SFXN5: variants seen among roughly 807,000 people sequenced by gnomAD.
The protein encoded by SFXN5 is sideroflexin 5.
A neutral mutation model predicts 50.2 loss-of-function variants in SFXN5; 43 were observed. The ratio of observed to expected loss-of-function variants is 0.86; its 90% CI spans 0.67 to 1.11. The LOEUF is 1.11. SFXN5 is among the 50% of genes least tolerant of loss of function. The probability of loss-of-function intolerance (pLI) is 0.00; values close to 1 mark genes in which losing one functional copy is unlikely to be tolerated. For synonymous variants in SFXN5, 203 were observed against 185.8 expected, an observed-to-expected ratio of 1.09 and a Z score of -0.75; for missense variants, 463 against 454.1, an observed-to-expected ratio of 1.02 and a Z score of -0.18.
At chr2:72,990,226 T>G (rs1672415621) in intron 9 of SFXN5, among the ~76,000 whole-genome samples, 1 of 152,212 alleles carries the variant, frequency 6.6e-6, no homozygotes, top group Non-Finnish European at 1.5e-5. Flanking sequence ...GCCTCCATCT[T>G]AAGTCTCAGG....
At chr2:73,032,174 G>A (rs1446574851) in intron 3 of SFXN5, among the ~76,000 whole-genome samples, 1 of 152,206 alleles carries the variant, frequency 6.6e-6, no homozygotes, top group Non-Finnish European at 1.5e-5. Flanking sequence ...ATCCTAGGGT[G>A]TCAAGAGTTC....
chr2:73,057,305 A>C (rs898480737), intron 2 of SFXN5, among the ~76,000 whole-genome samples: 1 of 152,026 alleles, frequency 6.6e-6, no homozygotes, highest in Non-Finnish European at 1.5e-5. Flanking sequence ...CACTCGGATA[A>C]TTTTTTAAAA....
chr2:73,005,386 G>A (rs1674505530), intron 6 of SFXN5, among the ~76,000 whole-genome samples: 1 of 152,184 alleles, frequency 6.6e-6, no homozygotes, highest in African/African-American at 2.4e-5. Context: ...CTCAGGCTCT[G>A]GTTGTCAAAT....
chr2:72,987,549 A>G (rs961531123), intron 10 of SFXN5, among the ~76,000 whole-genome samples: 7 of 151,502 alleles, frequency 4.6e-5, no homozygotes, highest in Admixed American at 4.6e-4. Flanking sequence ...TGAGGTTAGG[A>G]GTTCGAGACC....
intron 3 of SFXN5, among the ~76,000 whole-genome samples, chr2:73,031,663 C>G (rs1247528365): frequency 6.6e-6 from 1 of 152,180 alleles, no homozygotes; most frequent in Non-Finnish European, 1.5e-5. Context: ...TGACAACACA[C>G]CAGACTCAGA....
At chr2:73,035,965 T>TA (rs1284531433) in intron 3 of SFXN5, among the ~76,000 whole-genome samples, 1 of 151,810 alleles carries the variant, frequency 6.6e-6, no homozygotes, top group African/African-American at 2.4e-5. Context: ...ACAAACTGGG[T>TA]AAAAAAAGAG....
chr2:72,957,199 A>C (rs1163051468), intron 13 of SFXN5: 1 of 411,506 alleles, frequency 2.4e-6, no homozygotes, highest in Admixed American at 2.6e-5. Context: ...GAGCCATCTG[A>C]CTGTCTAGGA....
intron 6 of SFXN5, among the ~76,000 whole-genome samples, chr2:73,014,596 C>G (rs1675924122): frequency 6.6e-6 from 1 of 152,166 alleles, no homozygotes; most frequent in South Asian, 2.1e-4. Flanking sequence ...GAGATTATGA[C>G]TGAAATTACA....
chr2:73,052,339 A>AGT (rs3043005), intron 2 of SFXN5, among the ~76,000 whole-genome samples: 26,203 of 146,854 alleles, frequency 0.18, 3,555 homozygotes, highest in African/African-American at 0.39. Flanking sequence ...TAAGAGAGAG[A>AGT]GTGTGTGTGT....
intron 12 of SFXN5, among the ~76,000 whole-genome samples, chr2:72,963,515 C>T (rs1013019210): frequency 6.1e-5 from 9 of 147,018 alleles, no homozygotes; most frequent in South Asian, 2.1e-4. Flanking sequence ...GGCCTGAGAG[C>T]GAACACAGTA....
chr2:73,071,429 G>C, intron 1 of SFXN5, 175 bp downstream of exon 1: 2 of 601,298 alleles, frequency 3.3e-6, no homozygotes, highest in East Asian at 6.0e-5. Context: ...GTCCGCGCCC[G>C]CCCCGTTGAC....
chr2:73,015,054 A>G (rs190770239), intron 6 of SFXN5, among the ~76,000 whole-genome samples: 70 of 152,296 alleles, frequency 4.6e-4, no homozygotes, highest in African/African-American at 1.3e-3. Flanking sequence ...CCTTTGTTTC[A>G]TCTTTAAGAC....
intron 2 of SFXN5, among the ~76,000 whole-genome samples, chr2:73,048,885 G>A (rs1349506713): frequency 3.3e-5 from 5 of 152,148 alleles, no homozygotes; most frequent in African/African-American, 2.4e-5. Flanking sequence ...CTTCTCCTTT[G>A]TAATTGCTAA....
intron 3 of SFXN5, among the ~76,000 whole-genome samples, chr2:73,028,227 G>A (rs998351444): frequency 2.6e-5 from 4 of 152,204 alleles, no homozygotes; most frequent in African/African-American, 9.6e-5. Flanking sequence ...GATGTTAAGT[G>A]AGGCATGACT....
chr2:73,050,198 G>A (rs1366393690), intron 2 of SFXN5, among the ~76,000 whole-genome samples: 1 of 152,108 alleles, frequency 6.6e-6, no homozygotes, highest in East Asian at 1.9e-4. Context: ...GGCTTTCCCA[G>A]GCTGGTGCTG....
intron 1 of SFXN5, among the ~76,000 whole-genome samples, chr2:73,062,013 A>G (rs931815269): frequency 2.0e-5 from 3 of 152,156 alleles, no homozygotes; most frequent in African/African-American, 7.2e-5. Flanking sequence ...GCTACTTAGG[A>G]GGCTGAGGTA....
At chr2:72,990,040 C>T (rs1672392187) in intron 9 of SFXN5, among the ~76,000 whole-genome samples, 1 of 152,244 alleles carries the variant, frequency 6.6e-6, no homozygotes, top group African/African-American at 2.4e-5. Context: ...CCAGGGCTGC[C>T]AGGCGCCTGC....
At chr2:73,052,360 G>GTA (rs1491156961) in intron 2 of SFXN5, among the ~76,000 whole-genome samples, 2 of 75,868 alleles carry the variant, frequency 2.6e-5, no homozygotes, top group African/African-American at 2.0e-4. Context: ...GTGTGTATGC[G>GTA]TGTGTGTGTG....
At chr2:72,980,397 C>A (rs1367225813) in intron 10 of SFXN5, among the ~76,000 whole-genome samples, 1 of 152,192 alleles carries the variant, frequency 6.6e-6, no homozygotes, top group East Asian at 1.9e-4. Flanking sequence ...CAGAATACAA[C>A]CCCTCTGCCT....
Sources: gnomAD v4.1 joint callset for allele counts (sites outside exome capture counted in the v4.1 genomes callset) on GRCh38, gnomAD v4.1.1 for gene constraint, MANE v1.5 for transcripts, NCBI Gene and HGNC (gene_info 2026-07-23, HGNC 2026-07-21) for gene names.